Variants in IL21 observed in about 807,000 individuals in gnomAD.
The protein encoded by IL21 is interleukin 21.
A neutral mutation model predicts 18.4 loss-of-function variants in IL21; 3 were observed. The ratio of observed to expected loss-of-function variants is 0.16; its 90% CI spans 0.07 to 0.42. IL21 has a LOEUF of 0.42. IL21 is among the 10% of genes least tolerant of loss of function. The pLI, the probability that IL21 is intolerant of heterozygous loss-of-function variation, is 0.99. For missense variants in IL21, 130 were observed against 188.4 expected (o/e 0.69, Z 1.81); for synonymous variants, 37 against 62.0 (o/e 0.60, Z 1.90).
rs1799276286 is a variant in IL21, at chr4:122,612,602, T to C, written c.*108A>G. ...CCTGACTTTGCACACTTATGAGTTT[T>C]TTTTTCCCATCGCTAATATATTGTA... On this transcript the variant is annotated 3_prime_UTR_variant, in exon 5 of 5. Transcript: ENST00000648588. The C allele has an allele frequency of 1.3e-6, 1 of 783,606 alleles. No individual in the cohort carries two copies. Among genetic ancestry groups the C allele is most frequent in the Admixed American group, 2.1e-5 (1 of 47,508 alleles). The allele number at this position is 783,606 out of a possible 1,614,324, so 48.5% of individuals were successfully genotyped here. A position where few individuals can be genotyped will look rare whatever the true frequency, so the allele number is the denominator to read the frequency against.
intron 3 of IL21, among the ~76,000 whole-genome samples, chr4:122,613,912 T>G (rs1161313190): frequency 1.3e-5 from 2 of 152,212 alleles, no homozygotes; most frequent in African/African-American, 4.8e-5. Context: ...TTTATGTGAT[T>G]ACTAGGGAGA....
intron 3 of IL21, among the ~76,000 whole-genome samples, chr4:122,613,414 C>T (rs1033953936): frequency 6.3e-5 from 9 of 143,294 alleles, no homozygotes; most frequent in African/African-American, 7.8e-5. Flanking sequence ...TGCAGTGGCG[C>T]GATCTCCACT....
chr4:122,620,778 C>G (rs758816807), intron 1 of IL21, 42 bp from the exon 2 acceptor site: 2 of 1,611,966 alleles, frequency 1.2e-6, no homozygotes, highest in South Asian at 2.2e-5. Flanking sequence ...TTTTATAAGC[C>G]AAACCCTCCT....
intron 3 of IL21, among the ~76,000 whole-genome samples, chr4:122,613,401 G>A (rs1196969989): frequency 2.7e-5 from 4 of 146,558 alleles, no homozygotes; most frequent in African/African-American, 1.0e-4. Context: ...ACCCAGGCTG[G>A]AGTGCAGTGG....
At chr4:122,613,004 A>G (rs1407373406) in intron 3 of IL21, 76 bp from the exon 4 acceptor site, 1 of 843,894 alleles carries the variant, frequency 1.2e-6, no homozygotes, top group Non-Finnish European at 1.8e-6. Context: ...ATTTTTTTTC[A>G]TTAAAAACAT....
chr4:122,617,896 A>G (rs1799361817), intron 2 of IL21, among the ~76,000 whole-genome samples: 2 of 152,230 alleles, frequency 1.3e-5, no homozygotes, highest in Admixed American at 1.3e-4. Context: ...AACTGCCTTA[A>G]GGATGTATTG....
chr4:122,615,952 A>G, intron 2 of IL21, 115 bp from the exon 3 acceptor site: 1 of 830,864 alleles, frequency 1.2e-6, no homozygotes. Flanking sequence ...ACATCGTTTC[A>G]ACAGATGAGT....
chr4:122,616,703 G>A (rs536453139), intron 2 of IL21, among the ~76,000 whole-genome samples: 1 of 152,252 alleles, frequency 6.6e-6, no homozygotes, highest in African/African-American at 2.4e-5. Flanking sequence ...CAAGCCAAAA[G>A]CTTAGCCATC....
At chr4:122,614,571 A>T (rs1469961328) in intron 3 of IL21, among the ~76,000 whole-genome samples, 1 of 151,898 alleles carries the variant, frequency 6.6e-6, no homozygotes, top group African/African-American at 2.4e-5. Context: ...GCCAGGCGTG[A>T]TGGTGTGCGC....
At position 122,620,756 on chromosome 4, in the gene IL21, G is replaced by A. The variant is rs374848762; in HGVS notation, c.169-20C>T. The A allele has an allele frequency of 2.5e-5, 41 of 1,613,346 alleles. No individual in the cohort carries two copies. The East Asian group carries it at 3.3e-4, about 13-fold the overall frequency. On this transcript the variant is annotated intron_variant, in intron 1 of 4. Coordinates refer to ENST00000648588, the MANE Select transcript of IL21 (RefSeq NM_021803.4). ...AGGGACCTAGAGCAAAAGAAAATTT[G>A]TTCTGAGTTATTTTTATAAGCCAAA...
rs1578434249 is a variant in IL21 at position 122,611,669 on chromosome 4, T to A, written c.*1041A>T. 2.0e-5 allele frequency among the ~76,000 whole-genome samples: 3 copies of A among 152,184 alleles called. No homozygotes were observed. The highest frequency in any genetic ancestry group is 4.4e-5 in the Non-Finnish European group (3 of 68,030). On this transcript the variant is annotated 3_prime_UTR_variant, in exon 5 of 5. Coordinates refer to ENST00000648588, the MANE Select transcript of IL21 (RefSeq NM_021803.4). ...TTCAACTTGGACAGGAGTCCTGGCC[T>A]CTTGGTTTGTCTCCTGATTTTTAAA...
intron 3 of IL21, among the ~76,000 whole-genome samples, chr4:122,613,492 C>T (rs1344597294): frequency 3.3e-5 from 5 of 151,670 alleles, no homozygotes; most frequent in Non-Finnish European, 7.4e-5. Flanking sequence ...GCTGGGATTA[C>T]AGGCACGCAC....
intron 2 of IL21, among the ~76,000 whole-genome samples, chr4:122,617,891 C>T (rs1560663283): frequency 6.6e-6 from 1 of 152,164 alleles, no homozygotes. Flanking sequence ...CACTAAACTG[C>T]CTTAAGGATG....
intron 2 of IL21, 86 bp from the exon 3 acceptor site, chr4:122,615,923 T>G: frequency 3.5e-6 from 4 of 1,138,868 alleles, no homozygotes; most frequent in East Asian, 2.4e-5. Flanking sequence ...TTTCTATCTC[T>G]TCTGCAATGT....
chr4:122,612,452 T>G lies in IL21; in HGVS notation c.*258A>C, dbSNP rs930750975. ...AAAACTGTATTTTTGGTTAAAAATT[T>G]TAGCCTTCTCCTTCAACCAAGAAAT... On this transcript the variant is annotated 3_prime_UTR_variant, in exon 5 of 5. Coordinates refer to ENST00000648588, the MANE Select transcript of IL21 (RefSeq NM_021803.4). Among the ~76,000 whole-genome samples, 6 of 152,132 alleles carry G rather than the reference T, an allele frequency of 3.9e-5. No homozygotes were observed. The highest frequency in any genetic ancestry group is 1.4e-4 in the African/African-American group (6 of 41,438).
intron 2 of IL21, among the ~76,000 whole-genome samples, chr4:122,617,684 T>G (rs376259367): frequency 7.9e-5 from 12 of 152,324 alleles, no homozygotes; most frequent in African/African-American, 2.9e-4. Context: ...ACGCCCATAT[T>G]GATGGGGCTG....
intron 2 of IL21, chr4:122,619,090 A>G (rs2150688611): frequency 6.6e-6 from 1 of 152,322 alleles, no homozygotes; most frequent in East Asian, 1.9e-4. Flanking sequence ...ACCACTGGTT[A>G]TATGATTAGA....
chr4:122,613,885 C>A (rs1231833285), intron 3 of IL21, among the ~76,000 whole-genome samples: 1 of 152,082 alleles, frequency 6.6e-6, no homozygotes, highest in African/African-American at 2.4e-5. Flanking sequence ...AACAGGATTT[C>A]CTTGTTTTAA....
chr4:122,619,177 C>T (rs1035388327), intron 2 of IL21: 1 of 152,178 alleles, frequency 6.6e-6, no homozygotes, highest in African/African-American at 2.4e-5. Flanking sequence ...ATGCATGCAA[C>T]ATTAGATAGT....
Sources: allele counts gnomAD v4.1 joint callset (sites outside exome capture counted in the v4.1 genomes callset), GRCh38; gene constraint gnomAD v4.1.1; transcripts MANE v1.5; gene names NCBI Gene and HGNC (gene_info 2026-07-23, HGNC 2026-07-21).